LLGL2: variants seen among roughly 807,000 people sequenced by gnomAD.
LLGL2 encodes the protein LLGL scribble cell polarity complex component 2.
A neutral mutation model predicts 123.2 loss-of-function variants in LLGL2; 81 were observed. The ratio of observed to expected loss-of-function variants is 0.66; its 90% CI spans 0.55 to 0.79. LLGL2 has a LOEUF of 0.79. Ranked by LOEUF, LLGL2 falls within the 30% of genes least tolerant of loss-of-function variation. The probability of loss-of-function intolerance (pLI) is 0.00; values close to 1 mark genes in which losing one functional copy is unlikely to be tolerated. For synonymous variants in LLGL2, 577 were observed against 594.1 expected (o/e 0.97, Z 0.42); for missense variants, 1,273 against 1,414.6 (o/e 0.90, Z 1.61).
rs547214013 is a variant in LLGL2 at position 75,573,113 on chromosome 17, C to T, written c.2560C>T (p.Arg854Cys). ...RRVSVAHFGS[R>C]RAEDYGEHHL... ...GGTCAGCGTGGCCCACTTCGGCAGT[C>T]GTCGAGCCGAGGACTACGGGGAGCA... The change falls in exon 20 of 26, where the codon CGT becomes TGT. Residue 854 changes from arginine to cysteine, a missense_variant. Transcript: ENST00000392550. 43 of 1,612,916 alleles carry T rather than the reference C, an allele frequency of 2.7e-5. No homozygotes were observed. The highest frequency in any genetic ancestry group is 4.5e-5 in the East Asian group (2 of 44,864).
intron 2 of LLGL2, among the ~76,000 whole-genome samples, chr17:75,550,229 G>A (rs2054605616): frequency 1.3e-5 from 2 of 152,246 alleles, no homozygotes; most frequent in Admixed American, 6.5e-5. Flanking sequence ...GTGCAGCCGC[G>A]ATTCAGGGTT....
chr17:75,540,476 G>C (rs959807329), intron 1 of LLGL2, among the ~76,000 whole-genome samples: 1 of 152,216 alleles, frequency 6.6e-6, no homozygotes, highest in Non-Finnish European at 1.5e-5. Context: ...AAGAGCAGCA[G>C]GTCCACACAA....
intron 1 of LLGL2, among the ~76,000 whole-genome samples, chr17:75,535,147 G>A (rs1257991629): frequency 1.3e-5 from 2 of 152,230 alleles, no homozygotes; most frequent in Admixed American, 6.5e-5. Flanking sequence ...TGCCGCAGGG[G>A]TCAGCAGCTG....
At chr17:75,572,122 G>A (rs774800638) in intron 19 of LLGL2, 58 bp downstream of exon 19, 104 of 1,537,634 alleles carry the variant, frequency 6.8e-5, no homozygotes, top group Admixed American at 1.6e-4. Flanking sequence ...CAGGAGGCTC[G>A]GACCTTGGGC....
At chr17:75,555,499 A>G (rs2054868610) in intron 2 of LLGL2, among the ~76,000 whole-genome samples, 1 of 152,148 alleles carries the variant, frequency 6.6e-6, no homozygotes, top group Admixed American at 6.5e-5. Flanking sequence ...CTTTCTGGGA[A>G]GATGGTTGGA....
chr17:75,540,803 A>C (rs2054177989), intron 1 of LLGL2, among the ~76,000 whole-genome samples: 1 of 152,122 alleles, frequency 6.6e-6, no homozygotes. Context: ...CTTACCTTTC[A>C]GATGGCTTCC....
At position 75,571,720 on chromosome 17, in the gene LLGL2, GCCTTCT is replaced by G. The variant is rs1394338649; in HGVS notation, c.2233_2238del (p.Phe745_Ser746del). On this transcript the variant is annotated inframe_deletion, in exon 18 of 26. Transcript: ENST00000392550. ...TGGCACCAATGGGGGCACCATCTAT[GCCTTCT>G]CCCTGCGTGTGCCTCCCGCCGAGCG... 6 of 1,609,664 alleles carry G rather than the reference GCCTTCT, an allele frequency of 3.7e-6. No homozygotes were observed. The highest frequency in any genetic ancestry group is 5.1e-6 in the Non-Finnish European group (6 of 1,179,982).
chr17:75,531,463 G>A (rs909097720), intron 1 of LLGL2, among the ~76,000 whole-genome samples: 6 of 152,204 alleles, frequency 3.9e-5, no homozygotes, highest in African/African-American at 4.8e-5. Context: ...CTCCTGGGCC[G>A]GCTGCTTTGA....
Position 75,564,693 on chromosome 17 carries a change from G to T in LLGL2, c.1036+186G>T. The T allele has an allele frequency of 9.4e-6, 9 of 956,858 alleles. No homozygotes were observed. The South Asian group carries it at 1.7e-4, about 18-fold the overall frequency. The allele number at this position is 956,858 out of a possible 1,614,324, so 59.3% of individuals were successfully genotyped here. ...GCCTGGACAACGTAGGGAGACCCTTGTCTCTACAAAAAATAAAAAAATTAG... is the reference window on the plus strand; with the variant it reads ...GCCTGGACAACGTAGGGAGACCCTTTTCTCTACAAAAAATAAAAAAATTAG... On this transcript the variant is annotated intron_variant, in intron 10 of 25. Transcript: ENST00000392550. This position sits in a 1 kb window ranked among gnomAD's most constrained non-coding sequence, Gnocchi z 4.9.
intron 3 of LLGL2, among the ~76,000 whole-genome samples, chr17:75,556,497 G>A (rs1293077560): frequency 6.6e-6 from 1 of 152,168 alleles, no homozygotes; most frequent in Non-Finnish European, 1.5e-5. Context: ...TATTCCTGGA[G>A]GTTTCAGGAA....
intron 10 of LLGL2, among the ~76,000 whole-genome samples, chr17:75,567,523 C>T (rs1301352777): frequency 6.6e-6 from 1 of 152,028 alleles, no homozygotes; most frequent in Non-Finnish European, 1.5e-5. Flanking sequence ...CCTGTAATCC[C>T]AGCTACTTGG....
chr17:75,532,053 T>TACACACACACAC (rs750743324), intron 1 of LLGL2, among the ~76,000 whole-genome samples: 1,290 of 70,260 alleles, frequency 0.018, 38 homozygotes, highest in African/African-American at 0.046. Flanking sequence ...TATATGTATA[T>TACACACACACAC]ATACACACAC....
At chr17:75,571,347 C>T in intron 17 of LLGL2, 1 of 580,924 alleles carries the variant, frequency 1.7e-6, no homozygotes, top group Non-Finnish European at 3.1e-6. Flanking sequence ...AGACCCATCA[C>T]TTAGCCTTTC....
chr17:75,569,821 G>T, intron 14 of LLGL2, 142 bp from the exon 15 acceptor site: 10 of 732,176 alleles, frequency 1.4e-5, no homozygotes, highest in Non-Finnish European at 1.9e-5. Flanking sequence ...AAAAAAAAAT[G>T]CAGGAGAGCT....
chr17:75,570,820 A>G (rs1414630050), intron 16 of LLGL2, 130 bp from the exon 17 acceptor site: 4 of 1,236,104 alleles, frequency 3.2e-6, no homozygotes, highest in Admixed American at 2.3e-5. Context: ...GGGTCCCTCT[A>G]GACGCAGGCC....
chr17:75,567,793 T>G (rs2147508123), intron 10 of LLGL2: 1 of 152,108 alleles, frequency 6.6e-6, no homozygotes, highest in Non-Finnish European at 1.5e-5. Context: ...AATACAAAAG[T>G]TAGCTGGGTA....
intron 1 of LLGL2, among the ~76,000 whole-genome samples, chr17:75,531,233 G>A (rs964693747): frequency 3.9e-5 from 6 of 152,178 alleles, no homozygotes; most frequent in African/African-American, 1.4e-4. Flanking sequence ...CCCTCCCTTT[G>A]GAAGACGAAG....
chr17:75,526,659 C>T (rs2053584914), intron 1 of LLGL2, among the ~76,000 whole-genome samples: 3 of 152,094 alleles, frequency 2.0e-5, no homozygotes. Flanking sequence ...CCGTATGCGA[C>T]TGCCGGCAGC....
rs1406572677 is a variant in LLGL2 at position 75,573,116 on chromosome 17, C to A, written c.2563C>A (p.Arg855=). The change falls in exon 20 of 26, where the codon CGA becomes AGA. Residue 855 remains arginine, a synonymous_variant. Transcript: ENST00000392550. ...CAGCGTGGCCCACTTCGGCAGTCGTCGAGCCGAGGACTACGGGGAGCACCA... is the reference window on the plus strand; with the variant it reads ...CAGCGTGGCCCACTTCGGCAGTCGTAGAGCCGAGGACTACGGGGAGCACCA... ...RVSVAHFGSR[R]AEDYGEHHLA... 6.2e-7 allele frequency: 1 copy of A among 1,612,874 alleles called. No homozygotes were observed. Among genetic ancestry groups the A allele is most frequent in the Non-Finnish European group, 8.5e-7 (1 of 1,179,958 alleles).
Sources: allele counts gnomAD v4.1 joint callset (sites outside exome capture counted in the v4.1 genomes callset), GRCh38; gene constraint gnomAD v4.1.1; non-coding constraint Gnocchi (gnomAD v3.1); transcripts MANE v1.5; gene names NCBI Gene and HGNC (gene_info 2026-07-23, HGNC 2026-07-21).